EPC2: variants seen among roughly 807,000 people sequenced by gnomAD.
EPC2 encodes enhancer of polycomb homolog 2.
EPC2 carries 14 observed loss-of-function variants against 92.1 expected under a neutral mutation model. That is an observed-to-expected ratio of 0.15 (90% CI 0.10 to 0.24). The LOEUF (loss-of-function observed/expected upper bound fraction) is 0.24. EPC2 is among the 10% of genes least tolerant of loss of function. EPC2 has a pLI of 1.00. For missense variants in EPC2, 755 were observed against 971.5 expected, an observed-to-expected ratio of 0.78 and a Z score of 2.96; for synonymous variants, 340 against 334.7, an observed-to-expected ratio of 1.02 and a Z score of -0.17.
chr2:148,736,358 G>T (rs906960906), intron 2 of EPC2, among the ~76,000 whole-genome samples: 1 of 151,894 alleles, frequency 6.6e-6, no homozygotes, highest in African/African-American at 2.4e-5. Context: ...TTTTTTTGAC[G>T]TGATAATATT....
intron 1 of EPC2, among the ~76,000 whole-genome samples, chr2:148,657,884 T>TG (rs1680838297): frequency 6.7e-6 from 1 of 149,626 alleles, no homozygotes; most frequent in East Asian, 2.0e-4. Flanking sequence ...ATCACTCATT[T>TG]TGTGTGTGTG....
intron 2 of EPC2, among the ~76,000 whole-genome samples, chr2:148,694,801 G>T (rs1401470327): frequency 6.6e-6 from 1 of 152,130 alleles, no homozygotes; most frequent in Non-Finnish European, 1.5e-5. Flanking sequence ...ATCTTGCTCT[G>T]TTGCCCAGGC....
chr2:148,671,000 C>T (rs774470063), intron 1 of EPC2, among the ~76,000 whole-genome samples: 6 of 152,096 alleles, frequency 3.9e-5, no homozygotes, highest in Non-Finnish European at 8.8e-5. Flanking sequence ...CTTTCTCATT[C>T]TTGACTAATA....
intron 1 of EPC2, among the ~76,000 whole-genome samples, chr2:148,653,558 C>T (rs1016960651): frequency 2.0e-5 from 3 of 152,196 alleles, no homozygotes; most frequent in South Asian, 2.1e-4. Context: ...CCAGTTTCTC[C>T]TCAGCAGTTT....
chr2:148,773,875 A>G (rs1683572895), intron 10 of EPC2, among the ~76,000 whole-genome samples: 1 of 152,114 alleles, frequency 6.6e-6, no homozygotes, highest in African/African-American at 2.4e-5. Flanking sequence ...TTAGAAAGCT[A>G]TATTTTTACT....
chr2:148,768,087 GTAATTACCACAGTTT>G (rs1214956140), intron 7 of EPC2, among the ~76,000 whole-genome samples: 1 of 152,120 alleles, frequency 6.6e-6, no homozygotes, highest in Non-Finnish European at 1.5e-5. Context: ...CTGCTCAGTG[GTAATTACCACAGTTT>G]GGAAATAATA....
chr2:148,707,098 G>A (rs902540871), intron 2 of EPC2, among the ~76,000 whole-genome samples: 8 of 152,094 alleles, frequency 5.3e-5, no homozygotes, highest in African/African-American at 1.4e-4. Flanking sequence ...GTATTCAGGA[G>A]ACCCATCTCA....
intron 2 of EPC2, among the ~76,000 whole-genome samples, chr2:148,718,830 T>C (rs1477374741): frequency 1.3e-5 from 2 of 152,224 alleles, no homozygotes; most frequent in African/African-American, 4.8e-5. Flanking sequence ...TCCTGAAGTA[T>C]GTTTTTCAAC....
intron 2 of EPC2, among the ~76,000 whole-genome samples, chr2:148,711,854 T>G (rs1247148071): frequency 6.6e-6 from 1 of 152,208 alleles, no homozygotes; most frequent in African/African-American, 2.4e-5. Context: ...CCTAATAATT[T>G]TCCTTGCTGT....
At chr2:148,698,242 C>T (rs1018692437) in intron 2 of EPC2, among the ~76,000 whole-genome samples, 7 of 152,158 alleles carry the variant, frequency 4.6e-5, no homozygotes, top group Non-Finnish European at 8.8e-5. Flanking sequence ...TGTAAATACG[C>T]AATCTTCCCT....
intron 1 of EPC2, among the ~76,000 whole-genome samples, chr2:148,679,396 T>C (rs1314061625): frequency 6.6e-6 from 1 of 152,206 alleles, no homozygotes; most frequent in African/African-American, 2.4e-5. Flanking sequence ...TATCTACCAA[T>C]ATATCCCAAG....
chr2:148,768,866 T>G (rs1683465081), intron 7 of EPC2, among the ~76,000 whole-genome samples: 1 of 152,230 alleles, frequency 6.6e-6, no homozygotes, highest in Non-Finnish European at 1.5e-5. Context: ...TAATGGGATG[T>G]ATAAAAACTG....
chr2:148,651,349 G>C (rs1680678734), intron 1 of EPC2, among the ~76,000 whole-genome samples: 1 of 152,130 alleles, frequency 6.6e-6, no homozygotes, highest in African/African-American at 2.4e-5. Context: ...TCATTCCCCT[G>C]TTTTCGTTCG....
Position 148,765,035 on chromosome 2 carries a change from A to G in EPC2, c.1029A>G (p.Ala343=). 6 of 1,608,870 alleles carry G rather than the reference A, an allele frequency of 3.7e-6. No homozygotes were observed. The highest frequency in any genetic ancestry group is 2.2e-5 in the South Asian group (2 of 90,242). ...AGAAGTACCCAAAGAAGCCTAAAGC[A>G]GAGGCTTTGATAACATCTCAGCAAC... ...QKKKYPKKPK[A]EALITSQQPT... The change falls in exon 7 of 14, where the codon GCA becomes GCG. Residue 343 remains alanine (A), a synonymous_variant. Coordinates refer to ENST00000258484, the MANE Select transcript of EPC2 (RefSeq NM_015630.4).
At chr2:148,691,967 A>G (rs538316983) in intron 2 of EPC2, 60 of 369,700 alleles carry the variant, frequency 1.6e-4, no homozygotes, top group Non-Finnish European at 2.5e-4. Flanking sequence ...TGTGTCTTTT[A>G]ATTGATGGCA....
In EPC2 at chr2:148,648,555, A is replaced by G. The variant is rs140228690; in HGVS notation, c.153+3385A>G. On this transcript the variant is annotated intron_variant, in intron 1 of 13. Transcript: ENST00000258484. ...ACCAACCTTGGCTTACGGATTCACA[A>G]TTGTTGCTGGGTGTCTCTGAACTGT... Among the ~76,000 whole-genome samples the G allele has an allele frequency of 5.8e-3, 890 of 152,202 alleles. 8 individuals are homozygous for G. The highest frequency in any genetic ancestry group is 0.021 in the African/African-American group (858 of 41,506).
At chr2:148,783,572 G>T in intron 11 of EPC2, 25 bp from the exon 12 acceptor site, 2 of 1,580,432 alleles carry the variant, frequency 1.3e-6, no homozygotes, top group Non-Finnish European at 1.7e-6. Context: ...AAAAATTAGA[G>T]TGTTTAACTT....
chr2:148,653,814 T>A (rs1254498470), intron 1 of EPC2, among the ~76,000 whole-genome samples: 1 of 152,150 alleles, frequency 6.6e-6, no homozygotes, highest in Non-Finnish European at 1.5e-5. Context: ...ACTTTGAAAT[T>A]GTGATTTAGG....
rs1197437571 is a variant in EPC2 at position 148,786,606 on chromosome 2, A to G, written c.*229A>G. The G allele has an allele frequency of 2.6e-6, 1 of 379,516 alleles. No homozygotes were observed. The highest frequency in any genetic ancestry group is 4.8e-6 in the Non-Finnish European group (1 of 209,518). The allele number at this position is 379,516 out of a possible 1,614,324, so 23.5% of individuals were successfully genotyped here. A position where few individuals can be genotyped will look rare whatever the true frequency, so the allele number is the denominator to read the frequency against. On this transcript the variant is annotated 3_prime_UTR_variant, in exon 14 of 14. Coordinates refer to ENST00000258484, the MANE Select transcript of EPC2 (RefSeq NM_015630.4). ...TCAATATTATTTCTGTTACTTGAAT[A>G]GTAGATATTCATCATCATGCTTTTG...
Sources: gnomAD v4.1 joint callset for allele counts (sites outside exome capture counted in the v4.1 genomes callset) on GRCh38, gnomAD v4.1.1 for gene constraint, MANE v1.5 for transcripts, NCBI Gene and HGNC (gene_info 2026-07-23, HGNC 2026-07-21) for gene names.